Variants in ANKS1B observed in about 807,000 individuals in gnomAD.
ANKS1B encodes ankyrin repeat and sterile alpha motif domain-containing protein 1B.
Under a neutral mutation model 148.3 loss-of-function variants are expected in ANKS1B, and 36 were observed. The ratio of observed to expected loss-of-function variants is 0.24; its 90% CI spans 0.19 to 0.32. The LOEUF (loss-of-function observed/expected upper bound fraction) is 0.32, where lower values mean the gene tolerates loss of function less well. ANKS1B is among the 10% of genes least tolerant of loss of function. The probability of loss-of-function intolerance (pLI) is 1.00; values close to 1 mark genes in which losing one functional copy is unlikely to be tolerated. For missense variants in ANKS1B, 1,157 were observed against 1,542.6 expected, an observed-to-expected ratio of 0.75 and a Z score of 4.19; for synonymous variants, 542 against 560.8, an observed-to-expected ratio of 0.97 and a Z score of 0.47.
intron 8 of ANKS1B, among the ~76,000 whole-genome samples, chr12:99,700,665 T>C (rs1463121499): frequency 6.6e-6 from 1 of 152,116 alleles, no homozygotes; most frequent in East Asian, 1.9e-4. Context: ...CATATCCCAA[T>C]TGCCAGCATC....
chr12:99,033,776 A>G (rs2099953803), intron 17 of ANKS1B, among the ~76,000 whole-genome samples: 1 of 152,200 alleles, frequency 6.6e-6, no homozygotes, highest in Admixed American at 6.5e-5. Context: ...TAAGACTCCT[A>G]TGGTTGACTA....
At chr12:99,812,509 T>G (rs2068494188) in intron 2 of ANKS1B, among the ~76,000 whole-genome samples, 198 bp from the exon 3 acceptor site, 1 of 114,668 alleles carries the variant, frequency 8.7e-6, no homozygotes, top group Non-Finnish European at 1.8e-5. Flanking sequence ...CATCACCCCA[T>G]GCCACACACA....
intron 17 of ANKS1B, among the ~76,000 whole-genome samples, chr12:98,896,673 A>G (rs2099765121): frequency 6.6e-6 from 1 of 152,250 alleles, no homozygotes; most frequent in Non-Finnish European, 1.5e-5. Flanking sequence ...AAAATAAAAA[A>G]GACCTGCATC....
chr12:98,789,733 A>G (rs1415303088), intron 22 of ANKS1B, among the ~76,000 whole-genome samples: 1 of 152,254 alleles, frequency 6.6e-6, no homozygotes, highest in African/African-American at 2.4e-5. Context: ...AGAATGACCA[A>G]CAAGGAGAAC....
chr12:99,615,293 T>C (rs760207226), intron 9 of ANKS1B, among the ~76,000 whole-genome samples: 10 of 152,166 alleles, frequency 6.6e-5, no homozygotes, highest in African/African-American at 9.7e-5. Context: ...TTGTTGTCCT[T>C]TCTTATATTT....
intron 11 of ANKS1B, among the ~76,000 whole-genome samples, chr12:99,403,315 T>C (rs2094456221): frequency 7.0e-6 from 1 of 142,190 alleles, no homozygotes. Flanking sequence ...CATTACCATG[T>C]CTGGCTAATT....
At chr12:99,836,500 C>A (rs572433382) in intron 1 of ANKS1B, among the ~76,000 whole-genome samples, 1 of 152,066 alleles carries the variant, frequency 6.6e-6, no homozygotes, top group Admixed American at 6.6e-5. Context: ...GTATTTTTAC[C>A]AGCAAATGCG....
chr12:99,043,713 C>G (rs937847060), intron 17 of ANKS1B, among the ~76,000 whole-genome samples: 5 of 152,178 alleles, frequency 3.3e-5, no homozygotes, highest in Non-Finnish European at 7.3e-5. Flanking sequence ...AGATATAAAT[C>G]CCAAGCTATA....
At chr12:99,523,994 A>T (rs1002736206) in intron 9 of ANKS1B, among the ~76,000 whole-genome samples, 3 of 152,182 alleles carry the variant, frequency 2.0e-5, no homozygotes, top group African/African-American at 7.2e-5. Context: ...TGCTTCCTGA[A>T]TTTTTTCTGA....
intron 9 of ANKS1B, among the ~76,000 whole-genome samples, chr12:99,592,545 C>G (rs1355369509): frequency 2.0e-5 from 3 of 150,556 alleles, no homozygotes; most frequent in Admixed American, 1.3e-4. Flanking sequence ...TAGAGAGAAG[C>G]TTTTATAATA....
At chr12:99,783,693 A>G (rs959541314) in intron 4 of ANKS1B, among the ~76,000 whole-genome samples, 1 of 152,162 alleles carries the variant, frequency 6.6e-6, no homozygotes, top group Non-Finnish European at 1.5e-5. Flanking sequence ...CCATAGAAGT[A>G]GAGAGTAACA....
intron 19 of ANKS1B, among the ~76,000 whole-genome samples, chr12:98,814,971 C>T (rs1051718956): frequency 8.5e-5 from 13 of 152,168 alleles, no homozygotes; most frequent in African/African-American, 2.9e-4. Context: ...CTTTCGGTTA[C>T]CATGACTTCA....
At chr12:99,918,785 T>C (rs2094254301) in intron 1 of ANKS1B, among the ~76,000 whole-genome samples, 1 of 152,236 alleles carries the variant, frequency 6.6e-6, no homozygotes, top group Non-Finnish European at 1.5e-5. Context: ...ATTATTTTAA[T>C]ACAGGTTTCA....
intron 12 of ANKS1B, among the ~76,000 whole-genome samples, chr12:99,283,481 A>G (rs1386284910): frequency 6.6e-6 from 1 of 152,180 alleles, no homozygotes; most frequent in Non-Finnish European, 1.5e-5. Context: ...GTCAGGTTTA[A>G]AGGAGAGTGG....
intron 17 of ANKS1B, among the ~76,000 whole-genome samples, chr12:98,951,422 TTG>T (rs1364161418): frequency 2.0e-5 from 3 of 152,284 alleles, no homozygotes; most frequent in African/African-American, 7.2e-5. Context: ...CAATATTCTA[TTG>T]TGTCTCTTTT....
Position 99,895,188 on chromosome 12 carries a change from T to C in ANKS1B, c.135-69799A>G, listed in dbSNP as rs924825070. On this transcript the variant is annotated intron_variant, in intron 1 of 26. Coordinates refer to ENST00000683438, the MANE Select transcript of ANKS1B (RefSeq NM_001352186.2). Reference sequence around the variant, plus strand: ...TTCTCCATAATGTGGGCAGGTCTCATCCAATCAGTCAAAGACCTTAGTAGA... The same window carrying C: ...TTCTCCATAATGTGGGCAGGTCTCACCCAATCAGTCAAAGACCTTAGTAGA... Among the ~76,000 whole-genome samples, 14 of 150,534 alleles carry C rather than the reference T, an allele frequency of 9.3e-5. No individual in the cohort carries two copies. The East Asian group carries it at 2.5e-3, about 27-fold the overall frequency.
chr12:99,714,939 T>C (rs1045046518), intron 8 of ANKS1B, among the ~76,000 whole-genome samples: 1 of 148,212 alleles, frequency 6.7e-6, no homozygotes, highest in Non-Finnish European at 1.5e-5. Context: ...GCCAACATAG[T>C]GAAATCCCAT....
At chr12:99,120,734 T>C (rs771960363) in intron 15 of ANKS1B, among the ~76,000 whole-genome samples, 9 of 152,108 alleles carry the variant, frequency 5.9e-5, no homozygotes, top group South Asian at 4.1e-4. Context: ...TTTACTGACA[T>C]GGGAACTGCA....
chr12:99,278,363 G>A (rs2077959030), intron 12 of ANKS1B, among the ~76,000 whole-genome samples: 1 of 152,202 alleles, frequency 6.6e-6, no homozygotes, highest in South Asian at 2.1e-4. Flanking sequence ...CCTGTGTCCA[G>A]GTCCCATCAT....
Sources: allele counts gnomAD v4.1 joint callset (sites outside exome capture counted in the v4.1 genomes callset), GRCh38; gene constraint gnomAD v4.1.1; transcripts MANE v1.5; gene names NCBI Gene and HGNC (gene_info 2026-07-23, HGNC 2026-07-21).